Variants in DYM observed in about 807,000 individuals in gnomAD.
The protein encoded by DYM is dymeclin.
In DYM, 78 loss-of-function variants were observed where a neutral mutation model predicts 93.1. That is an observed-to-expected ratio of 0.84 (90% CI 0.70 to 1.01). DYM has a LOEUF of 1.01. Among genes scored for constraint, DYM ranks in the 50% least tolerant of loss-of-function variants. The pLI, the probability that DYM is intolerant of heterozygous loss-of-function variation, is 0.00. For synonymous variants in DYM, 321 were observed against 319.7 expected (o/e 1.00, Z -0.04); for missense variants, 789 against 845.0 (o/e 0.93, Z 0.82).
At chr18:49,107,404 C>G (rs2080946128) in intron 16 of DYM, among the ~76,000 whole-genome samples, 1 of 152,222 alleles carries the variant, frequency 6.6e-6, no homozygotes, top group African/African-American at 2.4e-5. Context: ...CTTCTCTCAA[C>G]TCTTCAAAGT....
intron 3 of DYM, among the ~76,000 whole-genome samples, chr18:49,380,232 GA>G (rs2067915997): frequency 6.6e-6 from 1 of 152,176 alleles, no homozygotes; most frequent in African/African-American, 2.4e-5. Flanking sequence ...AGTGTGGCTA[GA>G]AGGGGAGCTA....
At chr18:49,363,044 C>A in intron 6 of DYM, 117 bp downstream of exon 6, 1 of 786,504 alleles carries the variant, frequency 1.3e-6, no homozygotes, top group Non-Finnish European at 2.2e-6. Context: ...GATATAGAAT[C>A]CTTAAAAGGC....
rs928638629 is a variant in DYM at position 49,318,490 on chromosome 18, C to T, written c.763+13374G>A. Among the ~76,000 whole-genome samples the T allele has an allele frequency of 2.0e-5, 3 of 151,994 alleles. No individual in the cohort carries two copies. The East Asian group carries it at 5.8e-4, about 30-fold the overall frequency. ...TACAAAAATTAATTGGGCATGGTGG[C>T]GTGTGCCTGTAATCCCAGCTACTTG... On this transcript the variant is annotated intron_variant, in intron 8 of 17. Transcript: ENST00000675505.
chr18:49,378,434 A>C, intron 5 of DYM, 133 bp downstream of exon 5: 1 of 841,600 alleles, frequency 1.2e-6, no homozygotes, highest in Non-Finnish European at 1.8e-6. Flanking sequence ...AGAAAAAATG[A>C]CAGTATAAGT....
chr18:49,072,502 A>C (rs1158837129), intron 17 of DYM, among the ~76,000 whole-genome samples: 1 of 152,244 alleles, frequency 6.6e-6, no homozygotes, highest in Non-Finnish European at 1.5e-5. Flanking sequence ...AAACCCTTGT[A>C]TTGACTGTGG....
chr18:49,251,216 C>G (rs895014084), intron 13 of DYM, among the ~76,000 whole-genome samples: 10 of 152,304 alleles, frequency 6.6e-5, no homozygotes, highest in African/African-American at 2.4e-4. Context: ...ATTTGCTTTT[C>G]CAGTGAATAC....
At chr18:49,317,551 T>TCTCTC (rs2062027168) in intron 8 of DYM, among the ~76,000 whole-genome samples, 1 of 29,356 alleles carries the variant, frequency 3.4e-5, no homozygotes, top group Non-Finnish European at 6.3e-5. Context: ...CCATCTAGAT[T>TCTCTC]TCTCTCTCTC....
At chr18:49,459,921 G>T (rs571885712) in intron 1 of DYM, among the ~76,000 whole-genome samples, 5 of 146,966 alleles carry the variant, frequency 3.4e-5, no homozygotes. Context: ...TTTGGGGCGG[G>T]GGGGGCGGTG....
intron 2 of DYM, chr18:49,413,113 T>C (rs554336990): frequency 2.6e-5 from 4 of 152,346 alleles, no homozygotes; most frequent in Middle Eastern, 3.4e-3. Flanking sequence ...GCTGCAGCTC[T>C]TTAGTACTTA....
chr18:49,208,492 T>C (rs1010472059), intron 14 of DYM: 25 of 152,182 alleles, frequency 1.6e-4, no homozygotes, highest in Non-Finnish European at 7.4e-5. Context: ...CTACAATGAC[T>C]CGATGTGAGG....
At position 49,038,580 on chromosome 18, in the gene DYM, G is replaced by A. The variant is rs985288329; in HGVS notation, c.*5475C>T. Among the ~76,000 whole-genome samples, 4 of 152,050 alleles carry A rather than the reference G, an allele frequency of 2.6e-5. No homozygotes were observed. The highest frequency in any genetic ancestry group is 5.9e-5 in the Non-Finnish European group (4 of 67,990). On this transcript the variant is annotated 3_prime_UTR_variant, in exon 18 of 18. Coordinates refer to ENST00000675505, the MANE Select transcript of DYM (RefSeq NM_001353214.3). ...AAATGTCTCTTGTAAATAGCATATG[G>A]TTTAAAACAAGGCTGACAATATTTG... is the stretch of plus-strand genomic sequence containing the variant.
At position 49,258,853 on chromosome 18, in the gene DYM, G is replaced by C. The variant is rs868850645; in HGVS notation, c.1252-360C>G. ...ACACACACACACAGAGAGAGAGAGA[G>C]AGAGAGAGAGAGAGAGAGAGAGAGA... On this transcript the variant is annotated intron_variant, in intron 11 of 17. Transcript: ENST00000675505. 3.6e-3 allele frequency among the ~76,000 whole-genome samples: 342 copies of C among 96,138 alleles called. 4 individuals carry two copies. The highest frequency in any genetic ancestry group is 0.019 in the Admixed American group (207 of 11,168). The allele number at this position is 96,138 out of a possible 152,430, so 63.1% of individuals were successfully genotyped here.
chr18:49,155,854 C>A (rs932886415), intron 15 of DYM, among the ~76,000 whole-genome samples: 3 of 152,148 alleles, frequency 2.0e-5, no homozygotes, highest in Admixed American at 6.5e-5. Flanking sequence ...TTGGCTATTG[C>A]AAATAATGGT....
intron 5 of DYM, among the ~76,000 whole-genome samples, chr18:49,373,406 A>C (rs1271097022): frequency 6.6e-6 from 1 of 152,152 alleles, no homozygotes; most frequent in Non-Finnish European, 1.5e-5. Flanking sequence ...CCCTTTTTAG[A>C]CCATATAGGG....
At chr18:49,253,333 A>G (rs896274495) in intron 13 of DYM, among the ~76,000 whole-genome samples, 3 of 152,182 alleles carry the variant, frequency 2.0e-5, no homozygotes, top group African/African-American at 7.2e-5. Context: ...GTATCTAAAC[A>G]GTTTTTGTCA....
At chr18:49,409,105 G>A (rs551620919) in intron 2 of DYM, among the ~76,000 whole-genome samples, 26 of 151,958 alleles carry the variant, frequency 1.7e-4, no homozygotes, top group African/African-American at 5.3e-4. Context: ...CCAACATAGC[G>A]AAACCCCGTC....
chr18:49,066,123 G>GT (rs1050608698), intron 17 of DYM, among the ~76,000 whole-genome samples: 1 of 148,274 alleles, frequency 6.7e-6, no homozygotes, highest in South Asian at 2.4e-4. Flanking sequence ...AAGTAATCGC[G>GT]TTTTTTGCCA....
chr18:49,244,574 T>A (rs1390455289), intron 13 of DYM, among the ~76,000 whole-genome samples: 1 of 152,208 alleles, frequency 6.6e-6, no homozygotes, highest in Non-Finnish European at 1.5e-5. Context: ...TCACTGTCCA[T>A]AGACAAGCTA....
chr18:49,062,963 C>G (rs1393086511), intron 17 of DYM, among the ~76,000 whole-genome samples: 1 of 152,286 alleles, frequency 6.6e-6, no homozygotes, highest in South Asian at 2.1e-4. Context: ...AGAAGGCAAC[C>G]AACTCCCTGT....
Sources: allele counts gnomAD v4.1 joint callset (sites outside exome capture counted in the v4.1 genomes callset), GRCh38; gene constraint gnomAD v4.1.1; transcripts MANE v1.5; gene names NCBI Gene and HGNC (gene_info 2026-07-23, HGNC 2026-07-21).